The following TM9SF2 variants were observed in gnomAD, a reference collection of about 807,000 sequenced individuals.
TM9SF2 encodes transmembrane 9 superfamily member 2, also known as 76 kDa membrane protein.
Under a neutral mutation model 84.9 loss-of-function variants are expected in TM9SF2, and 13 were observed. That is an observed-to-expected ratio of 0.15 (90% confidence interval 0.10 to 0.24). TM9SF2 has a LOEUF of 0.24. TM9SF2 is among the 10% of genes least tolerant of loss of function. The pLI is 1.00. For missense variants in TM9SF2, 562 were observed against 818.5 expected, an observed-to-expected ratio of 0.69 and a Z score of 3.82; for synonymous variants, 273 against 285.8, an observed-to-expected ratio of 0.96 and a Z score of 0.45.
intron 1 of TM9SF2, among the ~76,000 whole-genome samples, chr13:99,511,084 C>G (rs2046111761): frequency 6.6e-6 from 1 of 152,024 alleles, no homozygotes; most frequent in Non-Finnish European, 1.5e-5. Flanking sequence ...TTAAATCTTT[C>G]TTATTGTTTT....
intron 7 of TM9SF2, 48 bp from the exon 8 acceptor site, chr13:99,540,666 G>A (rs2046255166): frequency 6.8e-7 from 1 of 1,474,292 alleles, no homozygotes; most frequent in Non-Finnish European, 9.4e-7. Flanking sequence ...TGTTCTTAAT[G>A]TGCTGTCAGC....
intron 4 of TM9SF2, among the ~76,000 whole-genome samples, chr13:99,533,912 A>G (rs1594053959): frequency 6.6e-6 from 1 of 152,042 alleles, no homozygotes; most frequent in East Asian, 1.9e-4. Flanking sequence ...CTCTTGATCT[A>G]CCCACCTTGG....
chr13:99,509,612 C>T (rs1397046952), intron 1 of TM9SF2, among the ~76,000 whole-genome samples: 4 of 152,164 alleles, frequency 2.6e-5, no homozygotes, highest in African/African-American at 7.2e-5. Context: ...GCTGGAGTGG[C>T]CTGAATGCTG....
chr13:99,519,788 GAT>G (rs1218376999), intron 2 of TM9SF2, among the ~76,000 whole-genome samples: 7 of 152,174 alleles, frequency 4.6e-5, no homozygotes, highest in African/African-American at 1.7e-4. Context: ...TCAATTAAAA[GAT>G]ATTGTAATAT....
At chr13:99,554,100 C>A (rs1483572845) in intron 13 of TM9SF2, among the ~76,000 whole-genome samples, 2 of 152,150 alleles carry the variant, frequency 1.3e-5, no homozygotes, top group Non-Finnish European at 2.9e-5. Flanking sequence ...TTAACTTGTT[C>A]CAGTAGACAG....
In TM9SF2 at chr13:99,559,409, C is replaced by T; in HGVS notation, c.1799C>T (p.Ala600Val). 1.2e-6 allele frequency: 2 copies of T among 1,607,780 alleles called. No individual in the cohort carries two copies. The highest frequency in any genetic ancestry group is 1.7e-6 in the Non-Finnish European group (2 of 1,177,890). ...WRSFLTSGFT[A>V]VYFLIYAVHY... ...TCATTCCTTACGAGTGGCTTTACTG[C>T]AGTTTATTTCTTAATCTATGCAGTA... The change falls in exon 16 of 17, where the codon GCA becomes GTA. Residue 600 changes from alanine to valine, a missense_variant. By Grantham distance (64) the Ala-to-Val change is moderately conservative (BLOSUM62 0). This residue lies in a region of TM9SF2 where 63 missense variants were observed against 109.2 expected (regional missense o/e 0.58). Coordinates refer to ENST00000376387, the MANE Select transcript of TM9SF2 (RefSeq NM_004800.3).
chr13:99,540,442 A>G (rs1447112049), intron 7 of TM9SF2: 2 of 213,934 alleles, frequency 9.3e-6, no homozygotes, highest in African/African-American at 4.6e-5. Context: ...GTTGACATCT[A>G]AACATCTAGT....
chr13:99,536,849 G>A, intron 5 of TM9SF2, 112 bp downstream of exon 5: 1 of 1,182,010 alleles, frequency 8.5e-7, no homozygotes, highest in East Asian at 2.5e-5. Context: ...CAGTTCAGAT[G>A]TTCTGAAGTA....
At chr13:99,560,874 G>A (rs2046342107) in intron 16 of TM9SF2, among the ~76,000 whole-genome samples, 1 of 151,970 alleles carries the variant, frequency 6.6e-6, no homozygotes. Flanking sequence ...GTAGAGATGG[G>A]GTTTCACCAT....
intron 8 of TM9SF2, 142 bp downstream of exon 8, chr13:99,540,935 G>C (rs1226430240): frequency 1.5e-6 from 1 of 684,544 alleles, no homozygotes; most frequent in African/African-American, 1.8e-5. Context: ...GCCACTGATT[G>C]TGAGTCACAG....
chr13:99,502,352 G>A (rs996335904), intron 1 of TM9SF2, among the ~76,000 whole-genome samples: 4 of 152,162 alleles, frequency 2.6e-5, no homozygotes, highest in African/African-American at 7.2e-5. Context: ...TTCCTTATTT[G>A]TGGAGTATAA....
chr13:99,511,286 T>A (rs2046112621), intron 1 of TM9SF2, among the ~76,000 whole-genome samples: 1 of 152,108 alleles, frequency 6.6e-6, no homozygotes. Flanking sequence ...CTTATTTGTG[T>A]GTATTTATGT....
At chr13:99,543,274 A>G (rs2046268540) in intron 9 of TM9SF2, among the ~76,000 whole-genome samples, 2 of 152,114 alleles carry the variant, frequency 1.3e-5, no homozygotes, top group African/African-American at 4.8e-5. Context: ...GCTTATTACC[A>G]TCTAATGTAC....
intron 13 of TM9SF2, 88 bp downstream of exon 13, chr13:99,552,414 A>G: frequency 1.5e-6 from 2 of 1,314,794 alleles, no homozygotes; most frequent in Non-Finnish European, 2.1e-6. Context: ...AAAAGTGTGT[A>G]AAGATGTAAA....
rs1230728728 is a variant in TM9SF2, at chr13:99,546,567, G to GTT, written c.1151-406_1151-405dup. Among the ~76,000 whole-genome samples, 219 of 142,232 alleles carry GTT rather than the reference G, an allele frequency of 1.5e-3. 1 individual carries two copies. Among genetic ancestry groups the GTT allele is most frequent in the African/African-American group, 5.2e-3 (204 of 39,108 alleles). The allele number at this position is 142,232 out of a possible 152,430, so 93.3% of individuals were successfully genotyped here. On this transcript the variant is annotated intron_variant, in intron 10 of 16. Coordinates refer to ENST00000376387, the MANE Select transcript of TM9SF2 (RefSeq NM_004800.3). ...CTGTTTGAATGTTGTAAGGTTTTGGGTTTTTTTTTTTTTACCCCCAGAGGA... is the reference window on the plus strand; with the variant it reads ...CTGTTTGAATGTTGTAAGGTTTTGGGTTTTTTTTTTTTTTTACCCCCAGAGGA...
intron 1 of TM9SF2, among the ~76,000 whole-genome samples, chr13:99,512,649 G>A (rs2046118449): frequency 1.3e-5 from 2 of 152,200 alleles, no homozygotes; most frequent in South Asian, 4.1e-4. Flanking sequence ...CATGGTTTCT[G>A]GAAAAGAAGT....
At chr13:99,558,888 G>A (rs908971495) in intron 15 of TM9SF2, among the ~76,000 whole-genome samples, 1 of 152,190 alleles carries the variant, frequency 6.6e-6, no homozygotes, top group Non-Finnish European at 1.5e-5. Context: ...AGCAAGAAGA[G>A]CTATTTTAAT....
chr13:99,550,648 A>G (rs1198891203), intron 12 of TM9SF2, among the ~76,000 whole-genome samples: 1 of 152,200 alleles, frequency 6.6e-6, no homozygotes, highest in African/African-American at 2.4e-5. Flanking sequence ...TCACCTAGGA[A>G]TAGAAGGATC....
At chr13:99,523,966 C>A (rs182654636) in intron 3 of TM9SF2, among the ~76,000 whole-genome samples, 244 of 152,050 alleles carry the variant, frequency 1.6e-3, no homozygotes, top group Non-Finnish European at 2.4e-3. Context: ...GGGAGTGAGC[C>A]ATGTGAATAT....
Sources: gnomAD v4.1 joint callset for allele counts (sites outside exome capture counted in the v4.1 genomes callset) on GRCh38, gnomAD v4.1.1 for gene constraint, gnomAD v4.1.1 regional missense constraint, MANE v1.5 for transcripts, NCBI Gene and HGNC (gene_info 2026-07-23, HGNC 2026-07-21) for gene names.